Variants in SORCS1 observed in about 807,000 individuals in gnomAD.
SORCS1 encodes sortilin related VPS10 domain containing receptor 1.
Under a neutral mutation model 146.1 loss-of-function variants are expected in SORCS1, and 60 were observed. The observed-to-expected ratio is 0.41, with a 90% CI of 0.33 to 0.51. SORCS1 has a LOEUF of 0.51. SORCS1 is among the 20% of genes least tolerant of loss of function. The pLI, the probability that SORCS1 is intolerant of heterozygous loss-of-function variation, is 0.21. For synonymous variants in SORCS1, 637 were observed against 584.0 expected, an observed-to-expected ratio of 1.09 and a Z score of -1.31; for missense variants, 1,352 against 1,487.6, an observed-to-expected ratio of 0.91 and a Z score of 1.50.
chr10:106,682,110 AGAGT>A (rs1183930676), intron 10 of SORCS1, among the ~76,000 whole-genome samples: 1 of 152,220 alleles, frequency 6.6e-6, no homozygotes, highest in African/African-American at 2.4e-5. Flanking sequence ...CCTGGGTGAC[AGAGT>A]GAGACTCCAT....
chr10:106,718,217 G>A (rs887710019), intron 6 of SORCS1, among the ~76,000 whole-genome samples: 1 of 152,170 alleles, frequency 6.6e-6, no homozygotes, highest in Non-Finnish European at 1.5e-5. Context: ...AGTCCTACTG[G>A]AAACCCACAC....
At chr10:107,074,314 G>A (rs898287315) in intron 1 of SORCS1, among the ~76,000 whole-genome samples, 6 of 152,020 alleles carry the variant, frequency 3.9e-5, no homozygotes, top group African/African-American at 1.4e-4. Context: ...TTTCAGATTG[G>A]CTTTTTTCAT....
Position 106,781,267 on chromosome 10 carries a change from A to ATATG in SORCS1, c.727-4576_727-4575insCATA, listed in dbSNP as rs1309301829. On this transcript the variant is annotated intron_variant, in intron 3 of 25. Transcript: ENST00000263054. ...GCGTGGAGTTAATAAAAAGTTCTTC[A>ATATG]CCACCTCCGGGCATATACTTTTTCG... Among the ~76,000 whole-genome samples the ATATG allele has an allele frequency of 5.3e-5, 8 of 152,236 alleles. No homozygotes were observed. In the South Asian group the frequency reaches 1.0e-3, roughly 20 times the overall value.
rs540460748 is a variant in SORCS1, at chr10:106,926,826, T to C, written c.626+29687A>G. On this transcript the variant is annotated intron_variant, in intron 2 of 25. Transcript: ENST00000263054. ...TCCTCCAAAATTTCTAAGGAATATA[T>C]ATACACACACACACACACACACACA... 2.5e-3 allele frequency among the ~76,000 whole-genome samples: 354 copies of C among 140,218 alleles called. 2 individuals are homozygous for C. The highest frequency in any genetic ancestry group is 9.0e-3 in the African/African-American group (322 of 35,860). The allele number at this position is 140,218 out of a possible 152,430, so 92.0% of individuals were successfully genotyped here. A position where few individuals can be genotyped will look rare whatever the true frequency, so the allele number is the denominator to read the frequency against.
At chr10:107,039,674 C>A (rs904368163) in intron 1 of SORCS1, among the ~76,000 whole-genome samples, 2 of 152,206 alleles carry the variant, frequency 1.3e-5, no homozygotes, top group Non-Finnish European at 2.9e-5. Flanking sequence ...CTCCTAAGAG[C>A]TCAGCAGCTG....
chr10:106,831,797 A>G (rs1375715227), intron 2 of SORCS1, among the ~76,000 whole-genome samples: 1 of 152,186 alleles, frequency 6.6e-6, no homozygotes, highest in East Asian at 1.9e-4. Context: ...GCCATTCCTA[A>G]TCGCTGAGGA....
intron 3 of SORCS1, among the ~76,000 whole-genome samples, chr10:106,815,137 T>G (rs1309284808): frequency 6.6e-6 from 1 of 151,782 alleles, no homozygotes; most frequent in Non-Finnish European, 1.5e-5. Flanking sequence ...TTTTCTATTT[T>G]TAGTAAAGAT....
intron 3 of SORCS1, among the ~76,000 whole-genome samples, chr10:106,820,514 A>C (rs1174111991): frequency 2.6e-5 from 4 of 152,288 alleles, no homozygotes; most frequent in East Asian, 1.9e-4. Flanking sequence ...GTTTGAATGG[A>C]AACAATTTAG....
intron 24 of SORCS1, 39 bp downstream of exon 24, chr10:106,597,312 C>T (rs1303885922): frequency 1.3e-6 from 2 of 1,559,966 alleles, no homozygotes; most frequent in Non-Finnish European, 1.8e-6. Flanking sequence ...TTCCCTTTGC[C>T]AGAGCCACCA....
At chr10:106,820,507 T>C (rs186706301) in intron 3 of SORCS1, among the ~76,000 whole-genome samples, 6 of 152,292 alleles carry the variant, frequency 3.9e-5, no homozygotes, top group Non-Finnish European at 7.4e-5. Context: ...AAGAAATGTT[T>C]GAATGGAAAC....
intron 1 of SORCS1, among the ~76,000 whole-genome samples, chr10:107,097,080 A>G (rs1964591079): frequency 6.6e-6 from 1 of 152,154 alleles, no homozygotes; most frequent in African/African-American, 2.4e-5. Context: ...ACACGCATTC[A>G]CTTTTACCAT....
At chr10:106,951,278 G>T (rs997073746) in intron 2 of SORCS1, among the ~76,000 whole-genome samples, 1 of 152,038 alleles carries the variant, frequency 6.6e-6, no homozygotes, top group African/African-American at 2.4e-5. Flanking sequence ...TTGGGAGGCC[G>T]AGGTGGGTGG....
chr10:107,154,946 C>T (rs1969160963), intron 1 of SORCS1, among the ~76,000 whole-genome samples: 1 of 152,066 alleles, frequency 6.6e-6, no homozygotes, highest in Non-Finnish European at 1.5e-5. Context: ...GAACTAAAGA[C>T]AGAGATAAAG....
chr10:107,046,899 T>C (rs1959512303), intron 1 of SORCS1, among the ~76,000 whole-genome samples: 1 of 152,234 alleles, frequency 6.6e-6, no homozygotes, highest in Non-Finnish European at 1.5e-5. Context: ...AGTCCCTCTA[T>C]CATGATGGTG....
intron 3 of SORCS1, among the ~76,000 whole-genome samples, chr10:106,813,752 T>C (rs1358016409): frequency 1.3e-5 from 2 of 152,034 alleles, no homozygotes; most frequent in South Asian, 2.1e-4. Flanking sequence ...CTGGGCAACA[T>C]AGGGAGACCA....
intron 3 of SORCS1, among the ~76,000 whole-genome samples, chr10:106,822,015 C>G (rs1186797301): frequency 6.6e-6 from 1 of 151,202 alleles, no homozygotes; most frequent in African/African-American, 2.4e-5. Context: ...ATATGGGGGA[C>G]AAGAAAAGAT....
At chr10:107,047,950 G>A (rs1959669810) in intron 1 of SORCS1, among the ~76,000 whole-genome samples, 1 of 151,970 alleles carries the variant, frequency 6.6e-6, no homozygotes, top group South Asian at 2.1e-4. Context: ...AGGTGTAGTG[G>A]CACATGTCTG....
At chr10:106,593,561 G>A (rs886203583) in intron 24 of SORCS1, among the ~76,000 whole-genome samples, 7 of 152,132 alleles carry the variant, frequency 4.6e-5, no homozygotes, top group African/African-American at 1.7e-4. Flanking sequence ...TATCAAACTG[G>A]AGCTAATTAT....
chr10:107,074,042 T>C (rs1345059923), intron 1 of SORCS1, among the ~76,000 whole-genome samples: 1 of 150,462 alleles, frequency 6.6e-6, no homozygotes, highest in Non-Finnish European at 1.5e-5. Flanking sequence ...CATTGACACA[T>C]CGTCATCACC....
Sources: allele counts gnomAD v4.1 joint callset (sites outside exome capture counted in the v4.1 genomes callset), GRCh38; gene constraint gnomAD v4.1.1; transcripts MANE v1.5; gene names NCBI Gene and HGNC (gene_info 2026-07-23, HGNC 2026-07-21).